The following ZNF397 variants were observed in gnomAD, a reference collection of about 807,000 sequenced individuals.
ZNF397 encodes the protein zinc finger protein 397, also known as zinc finger and SCAN domain-containing protein 15.
ZNF397 carries 38 observed loss-of-function variants against 50.6 expected under a neutral mutation model. The ratio of observed to expected loss-of-function variants is 0.75; its 90% CI spans 0.58 to 0.98. The LOEUF (loss-of-function observed/expected upper bound fraction) is 0.98, where lower values mean the gene tolerates loss of function less well. Ranked by LOEUF, ZNF397 falls within the 50% of genes least tolerant of loss-of-function variation. The pLI is 0.00. For synonymous variants in ZNF397, 228 were observed against 215.2 expected (o/e 1.06, Z -0.52); for missense variants, 624 against 624.1 (o/e 1.00, Z 0.00).
At position 35,246,916 on chromosome 18, in the gene ZNF397, T is replaced by A; in HGVS notation, c.*606T>A. ...AATACAGTGGAAAACAAGACTGTAG[T>A]CTCTACAGTCTAATGGGCAAGGCAG... On this transcript the variant is annotated 3_prime_UTR_variant, in exon 4 of 4. Coordinates refer to ENST00000330501, the MANE Select transcript of ZNF397 (RefSeq NM_001135178.3). 2 of 919,844 alleles carry A rather than the reference T, an allele frequency of 2.2e-6. No individual in the cohort carries two copies. The highest frequency in any genetic ancestry group is 2.6e-6 in the Non-Finnish European group (2 of 770,102). 57.0% of individuals were successfully genotyped at this position (919,844 alleles called of 1,614,324 possible).
At chr18:35,243,808 C>T (rs375916801) in intron 3 of ZNF397, 3 of 179,384 alleles carry the variant, frequency 1.7e-5, no homozygotes, top group African/African-American at 2.4e-5. Flanking sequence ...CATACCATCC[C>T]GAAGGTGTGA....
downstream of ZNF397, chr18:35,252,239 A>C (rs1235101328): frequency 6.6e-6 from 1 of 152,144 alleles, no homozygotes; most frequent in Admixed American, 6.5e-5. Flanking sequence ...GTGTGGTGAG[A>C]GACTGGTGCA....
chr18:35,246,232 T>C lies in ZNF397; in HGVS notation c.1527T>C (p.Tyr509=), dbSNP rs778704390. The change falls in exon 4 of 4, where the codon TAT becomes TAC. Residue 509 remains tyrosine, a synonymous_variant. Transcript: ENST00000330501. ...GAATTCATTCTGGGGATGAAGCTTA[T>C]ATATGTAATGAATGTGGGAAGGCTT... ...HQRIHSGDEA[Y]ICNECGKAFR... is the part of the protein sequence containing the mutation. 1 of 1,552,090 alleles carries C rather than the reference T, an allele frequency of 6.4e-7. No individual in the cohort carries two copies. Among genetic ancestry groups the C allele is most frequent in the African/African-American group, 1.4e-5 (1 of 73,050 alleles).
chr18:35,257,903 TC>T, intron 5 of ZNF397: 1 of 781,076 alleles, frequency 1.3e-6, no homozygotes, highest in African/African-American at 1.7e-5. Flanking sequence ...CCCTTCCTAA[TC>T]CTGCTTCTCT....
Position 35,242,437 on chromosome 18 carries a change from T to C in ZNF397, c.-34T>C, listed in dbSNP as rs377612171. 117 of 1,592,172 alleles carry C rather than the reference T, an allele frequency of 7.3e-5. No individual in the cohort carries two copies. The highest frequency in any genetic ancestry group is 9.2e-5 in the Non-Finnish European group (108 of 1,168,366). Reference sequence around the variant, plus strand: ...TCCTTCGCAAGCACAGAACCAGTTGTACTGAGCTTTTTGCTAAGCTGTTTC... The same window carrying C: ...TCCTTCGCAAGCACAGAACCAGTTGCACTGAGCTTTTTGCTAAGCTGTTTC... On this transcript the variant is annotated 5_prime_UTR_variant, in exon 2 of 4. Coordinates refer to ENST00000330501, the MANE Select transcript of ZNF397 (RefSeq NM_001135178.3).
chr18:35,242,578 T>A lies in ZNF397; in HGVS notation c.108T>A (p.Phe36Leu), dbSNP rs1196469954. Residue 36 changes from phenylalanine to leucine, a missense_variant, in exon 2 of 4, where the codon TTT becomes TTA. Physicochemically the swap from Phe to Leu is conservative, Grantham distance 22 (BLOSUM62 0). Transcript: ENST00000330501. ...VEDNFSWDEK[F>L]KQNGSTQSCQ... The stretch of plus-strand genomic sequence containing the variant: ...ATAACTTTTCCTGGGATGAGAAATT[T>A]AAGCAGAATGGGAGTACTCAATCCT... The A allele has an allele frequency of 6.2e-7, 1 of 1,614,228 alleles. No homozygotes were observed. The highest frequency in any genetic ancestry group is 1.7e-5 in the Admixed American group (1 of 60,032).
Position 35,245,137 on chromosome 18 carries a change from A to T in ZNF397, c.557-125A>T, listed in dbSNP as rs990716022. 4.8e-5 allele frequency: 61 copies of T among 1,266,896 alleles called. 1 individual carries two copies. Among genetic ancestry groups the T allele is most frequent in the Non-Finnish European group, 8.4e-6 (8 of 955,670 alleles). 78.5% of individuals were successfully genotyped at this position (1,266,896 alleles called of 1,614,324 possible). A position where few individuals can be genotyped will look rare whatever the true frequency, so the allele number is the denominator to read the frequency against. ...AGAGAGACCCTCTTTTGGCCAGTTG[A>T]AAAAAAAGATACTGGAGGACAGTGA... On this transcript the variant is annotated intron_variant, in intron 3 of 3. Transcript: ENST00000330501.
At position 35,245,299 on chromosome 18, in the gene ZNF397, C is replaced by T; in HGVS notation, c.594C>T (p.Ile198=). 6.2e-7 allele frequency: 1 copy of T among 1,611,320 alleles called. No individual in the cohort carries two copies. Among genetic ancestry groups the T allele is most frequent in the Non-Finnish European group, 8.5e-7 (1 of 1,178,320 alleles). Residue 198 remains isoleucine, a synonymous_variant, in exon 4 of 4, where the codon ATC becomes ATT. Transcript: ENST00000330501. The stretch of plus-strand genomic sequence containing the variant: ...GTGAAACAGCAACAAAAGAGGGCAT[C>T]TCAGAAGAAAAATCACAGGGACTCC... ...ENSETATKEG[I]SEEKSQGLPQ...
chr18:35,246,121 GA>G lies in ZNF397; in HGVS notation c.1417del (p.Arg473GlufsTer61). 1 of 1,551,818 alleles carries G rather than the reference GA, an allele frequency of 6.4e-7. No homozygotes were observed. Among genetic ancestry groups the G allele is most frequent in the African/African-American group, 1.4e-5 (1 of 73,164 alleles). On this transcript the variant is annotated frameshift_variant, in exon 4 of 4. Transcript: ENST00000330501. LOFTEE classifies it high-confidence loss of function. ...SLSSNLIRHQRIHSGEEPYQC... is the reference protein window; with the variant it reads ...SLSSNLIRHQXIHSGEEPYQC... Reference sequence around the variant, plus strand: ...TGAGCTCAAACCTTATCAGACATCAGAGAATTCATAGTGGGGAGGAACCTTA... The same window carrying G: ...TGAGCTCAAACCTTATCAGACATCAGGAATTCATAGTGGGGAGGAACCTTA...
At chr18:35,241,360 CTAGTTAGTTAGT>C (rs3833188) in intron 1 of ZNF397, 130,028 of 151,960 alleles carry the variant, frequency 0.86, 55,965 homozygotes, top group Non-Finnish European at 0.9. Context: ...AATAGAAGGG[CTAGTTAGTTAGT>C]TAGTTAGTGC....
rs1555935125 is a variant in ZNF397, at chr18:35,249,231, AATAC to A, written c.*2926_*2929del. 2.0e-5 allele frequency: 3 copies of A among 152,240 alleles called. No homozygotes were observed. The highest frequency in any genetic ancestry group is 4.4e-5 in the Non-Finnish European group (3 of 68,052). The allele number at this position is 152,240 out of a possible 1,614,324, so 9.4% of individuals were successfully genotyped here. A position where few individuals can be genotyped will look rare whatever the true frequency, so the allele number is the denominator to read the frequency against. ...TAATGCTGCTGGTAAGACATGAATA[AATAC>A]ATACCATCTCTGGCAATCAATACCA... On this transcript the variant is annotated 3_prime_UTR_variant, in exon 4 of 4. Coordinates refer to ENST00000330501, the MANE Select transcript of ZNF397 (RefSeq NM_001135178.3).
In ZNF397 at chr18:35,247,334, A is replaced by G; in HGVS notation, c.*1024A>G. 1 of 202,842 alleles carries G rather than the reference A, an allele frequency of 4.9e-6. No homozygotes were observed. The highest frequency in any genetic ancestry group is 8.7e-6 in the Non-Finnish European group (1 of 114,386). The allele number at this position is 202,842 out of a possible 1,614,324, so 12.6% of individuals were successfully genotyped here. ...CCTTGCCCAACCTGTAGGCTATCCTAGAACTTCCATGAGGGTGGTGGTGGG... is the reference window on the plus strand; with the variant it reads ...CCTTGCCCAACCTGTAGGCTATCCTGGAACTTCCATGAGGGTGGTGGTGGG... On this transcript the variant is annotated 3_prime_UTR_variant, in exon 4 of 4. Coordinates refer to ENST00000330501, the MANE Select transcript of ZNF397 (RefSeq NM_001135178.3).
intron 3 of ZNF397, 180 bp downstream of exon 3, chr18:35,243,473 G>A (rs888946307): frequency 3.9e-6 from 3 of 760,046 alleles, no homozygotes; most frequent in African/African-American, 1.8e-5. Context: ...CAGCCCTCCT[G>A]TGTGAGTTTC....
chr18:35,253,564 G>C (rs376385696), downstream of ZNF397: 75 of 1,613,836 alleles, frequency 4.6e-5, no homozygotes, highest in African/African-American at 9.6e-4. Context: ...TCTGGTGCTG[G>C]GTGAGGGCTG....
In ZNF397 at chr18:35,255,889, C is replaced by T. The variant is rs1479528824; in HGVS notation, c.817+1487C>T. ...AAAATATACTTGCATACAATAGAGG[C>T]ATAAAAATTAAAAGTACCAAATAGG... On this transcript the variant is annotated intron_variant, in intron 5 of 5. Coordinates refer to the ZNF397 transcript ENST00000261333. The T allele has an allele frequency of 1.9e-5, 3 of 154,196 alleles. No homozygotes were observed. The East Asian group carries it at 5.8e-4, about 30-fold the overall frequency. 9.6% of individuals were successfully genotyped at this position (154,196 alleles called of 1,614,324 possible). A position where few individuals can be genotyped will look rare whatever the true frequency, so the allele number is the denominator to read the frequency against.
chr18:35,248,845 A>T lies in ZNF397; in HGVS notation c.*2535A>T, dbSNP rs1162196433. 1 of 151,896 alleles carries T rather than the reference A, an allele frequency of 6.6e-6. No homozygotes were observed. Among genetic ancestry groups the T allele is most frequent in the Non-Finnish European group, 1.5e-5 (1 of 67,982 alleles). 9.4% of individuals were successfully genotyped at this position (151,896 alleles called of 1,614,324 possible). ...AGAGCAAGACCCTGTCTCCAAACCA[A>T]AAAAAAAGGAAAAAAGTAAATGTAA... is the stretch of plus-strand genomic sequence containing the variant. On this transcript the variant is annotated 3_prime_UTR_variant, in exon 4 of 4. Coordinates refer to ENST00000330501, the MANE Select transcript of ZNF397 (RefSeq NM_001135178.3).
chr18:35,248,428 GT>G lies in ZNF397; in HGVS notation c.*2123del, dbSNP rs1282969721. On this transcript the variant is annotated 3_prime_UTR_variant, in exon 4 of 4. Coordinates refer to ENST00000330501, the MANE Select transcript of ZNF397 (RefSeq NM_001135178.3). ...ACGTGGTAAGAGCTACTCAACTCTT[GT>G]TTTTCTCCTTTTCCATAGATAAAGA... is the stretch of plus-strand genomic sequence containing the variant. 1 of 151,832 alleles carries G rather than the reference GT, an allele frequency of 6.6e-6. No homozygotes were observed. Among genetic ancestry groups the G allele is most frequent in the Non-Finnish European group, 1.5e-5 (1 of 68,004 alleles). The allele number at this position is 151,832 out of a possible 1,614,324, so 9.4% of individuals were successfully genotyped here.
chr18:35,258,257 T>C (rs1569065917), exon 6 of ZNF397: 4 of 427,906 alleles, frequency 9.3e-6, no homozygotes, highest in Non-Finnish European at 1.7e-5. Context: ...GGACCACGCA[T>C]AAATGGAGAA....
At position 35,242,401 on chromosome 18, in the gene ZNF397, A is replaced by G; in HGVS notation, c.-70A>G. Reference sequence around the variant, plus strand: ...TTTTATATCCTTCAGGAAAGAAGAGATTACTCACACTCCTTCGCAAGCACA... The same window carrying G: ...TTTTATATCCTTCAGGAAAGAAGAGGTTACTCACACTCCTTCGCAAGCACA... On this transcript the variant is annotated 5_prime_UTR_variant, in exon 2 of 4. Transcript: ENST00000330501. 6.9e-7 allele frequency: 1 copy of G among 1,452,670 alleles called. No individual in the cohort carries two copies. Among genetic ancestry groups the G allele is most frequent in the South Asian group, 1.3e-5 (1 of 74,230 alleles). 90.0% of individuals were successfully genotyped at this position (1,452,670 alleles called of 1,614,324 possible). A position where few individuals can be genotyped will look rare whatever the true frequency, so the allele number is the denominator to read the frequency against.
Sources: gnomAD v4.1 joint callset for allele counts on GRCh38, gnomAD v4.1.1 for gene constraint, MANE v1.5 for transcripts, NCBI Gene and HGNC (gene_info 2026-07-23, HGNC 2026-07-21) for gene names.